Variants in KIAA0825 observed in about 807,000 individuals in gnomAD.
The protein encoded by KIAA0825 is KIAA0825, also known as uncharacterized protein KIAA0825.
KIAA0825 carries 119 observed loss-of-function variants against 147.6 expected under a neutral mutation model. The ratio of observed to expected loss-of-function variants is 0.81; its 90% CI spans 0.69 to 0.94. KIAA0825 has a LOEUF of 0.94. Among genes scored for constraint, KIAA0825 ranks in the 40% least tolerant of loss-of-function variants. The pLI, the probability that KIAA0825 is intolerant of heterozygous loss-of-function variation, is 0.00. For missense variants in KIAA0825, 1,381 were observed against 1,472.7 expected, an observed-to-expected ratio of 0.94 and a Z score of 1.02; for synonymous variants, 470 against 518.1, an observed-to-expected ratio of 0.91 and a Z score of 1.26.
intron 1 of KIAA0825, among the ~76,000 whole-genome samples, chr5:94,603,886 A>C (rs973410597): frequency 6.6e-6 from 1 of 152,252 alleles, no homozygotes; most frequent in Non-Finnish European, 1.5e-5. Context: ...AATACCCTGA[A>C]TATATATGCA....
rs1362216708 is a variant in KIAA0825, at chr5:94,462,439, T to G, written c.2194A>C (p.Asn732His). The change falls in exon 12 of 21, where the codon AAT (asparagine) becomes CAT (histidine). Residue 732 changes from asparagine to histidine, a missense_variant. Physicochemically the swap from Asn to His is moderately conservative, Grantham distance 68. Coordinates refer to ENST00000682413, the MANE Select transcript of KIAA0825 (RefSeq NM_001145678.3). ...AAAATGACTAATGTTGTAAACAGAT[T>G]ATTACAATGAGTGTGAATTTTAAAA... ...KIFKIHTHCN[N>H]LFTTLVILTS... 1.3e-6 allele frequency: 2 copies of G among 1,497,000 alleles called. No homozygotes were observed. Among genetic ancestry groups the G allele is most frequent in the East Asian group, 4.9e-5 (2 of 40,454 alleles). The allele number at this position is 1,497,000 out of a possible 1,614,324, so 92.7% of individuals were successfully genotyped here.
chr5:94,568,193 G>A (rs1395089104), intron 2 of KIAA0825: 2 of 160,500 alleles, frequency 1.2e-5, no homozygotes, highest in East Asian at 3.4e-4. Context: ...CAATGAACAA[G>A]ACATTCGAAA....
chr5:94,569,513 C>A lies in KIAA0825; in HGVS notation c.-2+12920G>T. 3 of 409,746 alleles carry A rather than the reference C, an allele frequency of 7.3e-6. No homozygotes were observed. In the South Asian group the frequency reaches 4.0e-4, roughly 54 times the overall value. The allele number at this position is 409,746 out of a possible 1,614,324, so 25.4% of individuals were successfully genotyped here. A position where few individuals can be genotyped will look rare whatever the true frequency, so the allele number is the denominator to read the frequency against. On this transcript the variant is annotated intron_variant, in intron 2 of 20. Coordinates refer to ENST00000682413, the MANE Select transcript of KIAA0825 (RefSeq NM_001145678.3). ...CACGACCAATGATATGAAAAACCATCGTTGTATTTCAACTACAAGAACACT... is the reference window on the plus strand; with the variant it reads ...CACGACCAATGATATGAAAAACCATAGTTGTATTTCAACTACAAGAACACT...
At chr5:94,535,077 C>T (rs1771683952) in intron 3 of KIAA0825, among the ~76,000 whole-genome samples, 1 of 151,920 alleles carries the variant, frequency 6.6e-6, no homozygotes, top group Non-Finnish European at 1.5e-5. Context: ...CTCTAAAATA[C>T]ATATATAATG....
chr5:94,315,550 G>A (rs1276862269), intron 20 of KIAA0825, among the ~76,000 whole-genome samples: 1 of 151,576 alleles, frequency 6.6e-6, no homozygotes, highest in Admixed American at 6.6e-5. Context: ...AAGTTTTATA[G>A]TCCACTATCA....
intron 20 of KIAA0825, among the ~76,000 whole-genome samples, chr5:94,186,319 A>C (rs1583785426): frequency 6.6e-6 from 1 of 152,162 alleles, no homozygotes; most frequent in Non-Finnish European, 1.5e-5. Flanking sequence ...TTGTTCATAA[A>C]TTTATATAGG....
At chr5:94,332,194 A>G (rs549549885) in intron 20 of KIAA0825, among the ~76,000 whole-genome samples, 3 of 151,166 alleles carry the variant, frequency 2.0e-5, no homozygotes, top group African/African-American at 7.3e-5. Context: ...GAAAATCAGA[A>G]ATAGAAGGAA....
At chr5:94,363,178 T>C (rs530603808) in intron 20 of KIAA0825, among the ~76,000 whole-genome samples, 3 of 151,444 alleles carry the variant, frequency 2.0e-5, no homozygotes, top group South Asian at 4.1e-4. Context: ...AGTTTTCTTT[T>C]TTTTTTTTTT....
At chr5:94,582,244 T>C (rs902078379) in intron 2 of KIAA0825, among the ~76,000 whole-genome samples, 189 bp downstream of exon 2, 2 of 152,140 alleles carry the variant, frequency 1.3e-5, no homozygotes, top group African/African-American at 4.8e-5. Context: ...AAAAATCAAA[T>C]TGTGCTTTCC....
intron 13 of KIAA0825, among the ~76,000 whole-genome samples, chr5:94,446,652 A>G (rs1054740251): frequency 6.6e-6 from 1 of 152,176 alleles, no homozygotes; most frequent in Admixed American, 6.6e-5. Context: ...AAGCGGGTTG[A>G]GAAGTGGGTA....
intron 2 of KIAA0825, among the ~76,000 whole-genome samples, chr5:94,558,552 C>G (rs1380477550): frequency 6.6e-6 from 1 of 152,174 alleles, no homozygotes; most frequent in African/African-American, 2.4e-5. Context: ...CTTAAAGTAA[C>G]CACAGTAGTT....
At chr5:94,362,243 G>A (rs190804987) in intron 20 of KIAA0825, among the ~76,000 whole-genome samples, 1 of 148,638 alleles carries the variant, frequency 6.7e-6, no homozygotes, top group Non-Finnish European at 1.5e-5. Flanking sequence ...GAAAGAATCT[G>A]TAACTCTTTC....
At chr5:94,292,529 T>TAATGAGG (rs1777945048) in intron 20 of KIAA0825, among the ~76,000 whole-genome samples, 7 of 152,178 alleles carry the variant, frequency 4.6e-5, no homozygotes, top group Non-Finnish European at 8.8e-5. Flanking sequence ...TTGAGGATTT[T>TAATGAGG]ATTGAGGATT....
chr5:94,520,571 T>G lies in KIAA0825; in HGVS notation c.647A>C (p.Gln216Pro). ...CAGAAGATTAGCCAACAGTTTATTC[T>G]GTATGTTTTGGTATTTGATTATAAC... is the stretch of plus-strand genomic sequence containing the variant. ...SEVIIKYQNI[Q>P]NKLLANLLWN... Residue 216 changes from glutamine to proline, a missense_variant, in exon 5 of 21, where the codon CAG becomes CCG. Transcript: ENST00000682413. The G allele has an allele frequency of 6.2e-7, 1 of 1,613,458 alleles. No homozygotes were observed. Among genetic ancestry groups the G allele is most frequent in the Admixed American group, 1.7e-5 (1 of 59,972 alleles).
intron 20 of KIAA0825, among the ~76,000 whole-genome samples, chr5:94,223,671 C>A (rs1476361012): frequency 1.3e-5 from 2 of 152,084 alleles, no homozygotes; most frequent in Admixed American, 1.3e-4. Context: ...TTCTGGTGAT[C>A]CAGAAGGTGT....
intron 2 of KIAA0825, among the ~76,000 whole-genome samples, chr5:94,562,495 A>C (rs1298320513): frequency 6.6e-6 from 1 of 152,152 alleles, no homozygotes; most frequent in Non-Finnish European, 1.5e-5. Flanking sequence ...GCTTCCCTTC[A>C]CTTCATCTGA....
chr5:94,197,543 G>A (rs549727077), intron 20 of KIAA0825, among the ~76,000 whole-genome samples: 1 of 152,204 alleles, frequency 6.6e-6, no homozygotes, highest in African/African-American at 2.4e-5. Context: ...TGAAATTGTT[G>A]CCAAGGCCAA....
intron 3 of KIAA0825, among the ~76,000 whole-genome samples, chr5:94,534,361 T>C (rs934121429): frequency 1.3e-5 from 2 of 152,168 alleles, no homozygotes; most frequent in Non-Finnish European, 2.9e-5. Context: ...TTTTAAAAAA[T>C]ATATATACCC....
At chr5:94,369,251 C>T (rs976942315) in intron 20 of KIAA0825, among the ~76,000 whole-genome samples, 9 of 152,002 alleles carry the variant, frequency 5.9e-5, no homozygotes, top group Admixed American at 2.6e-4. Flanking sequence ...GCTAGAGATA[C>T]GGATTCAAGA....
Sources: gnomAD v4.1 joint callset for allele counts (sites outside exome capture counted in the v4.1 genomes callset) on GRCh38, gnomAD v4.1.1 for gene constraint, MANE v1.5 for transcripts, NCBI Gene and HGNC (gene_info 2026-07-23, HGNC 2026-07-21) for gene names.